CDKL2: variants seen among roughly 807,000 people sequenced by gnomAD.
CDKL2 encodes the protein cyclin-dependent kinase-like 2.
In CDKL2, 64 loss-of-function variants were observed where a neutral mutation model predicts 63.9. The observed-to-expected ratio is 1.00, with a 90% CI of 0.82 to 1.23. The LOEUF (loss-of-function observed/expected upper bound fraction) is 1.23. Among genes scored for constraint, CDKL2 ranks in the 50% most tolerant of loss-of-function variants. CDKL2 has a pLI of 0.00. For synonymous variants in CDKL2, 211 were observed against 229.2 expected, an observed-to-expected ratio of 0.92 and a Z score of 0.72; for missense variants, 656 against 668.0, an observed-to-expected ratio of 0.98 and a Z score of 0.20.
chr4:75,614,056 C>T (rs377563910), intron 3 of CDKL2, among the ~76,000 whole-genome samples, 199 bp downstream of exon 3: 74 of 151,868 alleles, frequency 4.9e-4, no homozygotes, highest in African/African-American at 1.6e-3. Context: ...GACTCTGTCT[C>T]GGAAAAAAAC....
Position 75,603,806 on chromosome 4 carries a change from A to C in CDKL2, c.795+11T>G, listed in dbSNP as rs1170340502. ...TCCCTGTCATAAAGTGTAAACAATA[A>C]GTATGATTACCTTTGCTAAATCTAT... On this transcript the variant is annotated intron_variant, in intron 6 of 13. Coordinates refer to ENST00000307465, the MANE Select transcript of CDKL2 (RefSeq NM_001330724.2). 2.5e-6 allele frequency: 4 copies of C among 1,585,834 alleles called. No individual in the cohort carries two copies. The highest frequency in any genetic ancestry group is 3.4e-6 in the Non-Finnish European group (4 of 1,170,688).
chr4:75,618,440 G>C (rs1730023786), intron 2 of CDKL2, among the ~76,000 whole-genome samples: 1 of 151,524 alleles, frequency 6.6e-6, no homozygotes, highest in African/African-American at 2.4e-5. Context: ...TTTTAGTAGA[G>C]ACGGGGTTTC....
rs1227891519 is a variant in CDKL2 at position 75,600,351 on chromosome 4, G to T, written c.814C>A (p.Pro272Thr). 1 of 1,611,148 alleles carries T rather than the reference G, an allele frequency of 6.2e-7. No individual in the cohort carries two copies. The highest frequency in any genetic ancestry group is 8.5e-7 in the Non-Finnish European group (1 of 1,177,940). ...TCAGCACAGAAGGGTCTTTTGTCGG[G>T]GTCAATATGTAAGCATTTCTGAAAA... is the stretch of plus-strand genomic sequence containing the variant. The part of the protein sequence containing the change: ...DLAKKCLHID[P>T]DKRPFCAELL... The change falls in exon 7 of 14, where the codon CCC becomes ACC. Residue 272 changes from proline to threonine, a missense_variant. Physicochemically the swap from Pro to Thr is conservative, Grantham distance 38 (BLOSUM62 -1). Transcript: ENST00000307465.
rs535618243 is a variant in CDKL2, at chr4:75,615,356, G to C, written c.169-907C>G. 5.3e-5 allele frequency among the ~76,000 whole-genome samples: 8 copies of C among 152,284 alleles called. No homozygotes were observed. In the East Asian group the frequency reaches 1.5e-3, roughly 29 times the overall value. On this transcript the variant is annotated intron_variant, in intron 2 of 13. Coordinates refer to ENST00000307465, the MANE Select transcript of CDKL2 (RefSeq NM_001330724.2). The stretch of plus-strand genomic sequence containing the variant: ...ACCAATCAAGGATCTATTCAAAGAT[G>C]TAAGAAATGGGGAAGAAAGGAGAAA...
At chr4:75,595,105 G>A (rs1223069934) in intron 10 of CDKL2, among the ~76,000 whole-genome samples, 7 of 152,050 alleles carry the variant, frequency 4.6e-5, no homozygotes, top group Non-Finnish European at 8.8e-5. Flanking sequence ...AGATCATGAA[G>A]TCCTTGAAAA....
rs1440237869 is a variant in CDKL2, at chr4:75,630,525, A to T, written c.-513T>A. 1 of 152,262 alleles carries T rather than the reference A, an allele frequency of 6.6e-6. No individual in the cohort carries two copies. 9.4% of individuals were successfully genotyped at this position (152,262 alleles called of 1,614,324 possible). On this transcript the variant is annotated 5_prime_UTR_variant, in exon 1 of 14. In the 5' UTR this introduces an upstream ATG that the reference lacks. Transcript: ENST00000307465. ...CGAAGGCGTTGGCCGCGGAGCTGCA[A>T]GGGGGGGCGGTTTCTCACCCGCCCC...
At chr4:75,593,454 A>C (rs1182571306) in intron 10 of CDKL2, among the ~76,000 whole-genome samples, 1 of 152,112 alleles carries the variant, frequency 6.6e-6, no homozygotes, top group African/African-American at 2.4e-5. Flanking sequence ...TTCGTTAAGG[A>C]AAGACTCCAC....
chr4:75,615,302 A>G (rs1729883402), intron 2 of CDKL2, among the ~76,000 whole-genome samples: 1 of 152,216 alleles, frequency 6.6e-6, no homozygotes, highest in South Asian at 2.1e-4. Flanking sequence ...AAAGACTCAG[A>G]CTTTATTATA....
intron 13 of CDKL2, among the ~76,000 whole-genome samples, chr4:75,580,936 G>A (rs1477967382): frequency 3.3e-5 from 5 of 151,830 alleles, no homozygotes; most frequent in South Asian, 4.2e-4. Context: ...TCCTGACCTC[G>A]TGATCCGCCC....
intron 13 of CDKL2, among the ~76,000 whole-genome samples, chr4:75,580,479 A>G (rs1411651105): frequency 1.3e-5 from 2 of 151,566 alleles, no homozygotes; most frequent in Non-Finnish European, 2.9e-5. Flanking sequence ...CACCCTGGGC[A>G]ACATGGTGAA....
intron 12 of CDKL2, among the ~76,000 whole-genome samples, chr4:75,588,953 C>T (rs531118688): frequency 6.6e-6 from 1 of 151,886 alleles, no homozygotes; most frequent in South Asian, 2.1e-4. Flanking sequence ...GAAGGGGATC[C>T]CACTAGAAAA....
At position 75,630,400 on chromosome 4, in the gene CDKL2, G is replaced by T. The variant is rs1214386148; in HGVS notation, c.-388C>A. The stretch of plus-strand genomic sequence containing the variant: ...GCACCAACACCTGTGAAGGCCAAGG[G>T]CTAGAGAGCAATTAGCTGGGTGAGA... On this transcript the variant is annotated 5_prime_UTR_variant, in exon 1 of 14. Coordinates refer to ENST00000307465, the MANE Select transcript of CDKL2 (RefSeq NM_001330724.2). 1 of 152,802 alleles carries T rather than the reference G, an allele frequency of 6.5e-6. No individual in the cohort carries two copies. The highest frequency in any genetic ancestry group is 1.5e-5 in the Non-Finnish European group (1 of 68,260). 9.5% of individuals were successfully genotyped at this position (152,802 alleles called of 1,614,324 possible).
chr4:75,618,684 C>CA (rs1466765476), intron 2 of CDKL2, among the ~76,000 whole-genome samples: 6 of 152,146 alleles, frequency 3.9e-5, no homozygotes, highest in Non-Finnish European at 7.3e-5. Context: ...CCTCGGGACT[C>CA]AAAGCTAATT....
At position 75,598,115 on chromosome 4, in the gene CDKL2, C is replaced by T; in HGVS notation, c.982G>A (p.Asp328Asn). ...GTTTTTCTTTCTTCAACTAAGGAAT[C>T]ATCTTTTTCTTTTTCCTTCTTTCTG... The part of the protein sequence containing the change: ...QNRKKEKEKD[D>N]SLVEERKTLV... Residue 328 changes from aspartate (D) to asparagine (N), a missense_variant, in exon 8 of 14, where the codon GAT becomes AAT. Transcript: ENST00000307465. 6.4e-7 allele frequency: 1 copy of T among 1,554,320 alleles called. No individual in the cohort carries two copies. Among genetic ancestry groups the T allele is most frequent in the East Asian group, 2.3e-5 (1 of 43,368 alleles).
rs1273514692 is a variant in CDKL2, at chr4:75,614,420, G to C, written c.198C>G (p.Leu66=). 6.4e-7 allele frequency: 1 copy of C among 1,566,626 alleles called. No homozygotes were observed. Among genetic ancestry groups the C allele is most frequent in the African/African-American group, 1.4e-5 (1 of 73,394 alleles). ...GTTTTTTTTTCTTACACACTTCCAA[G>C]AGATTCACCAAGTTTTCATGCCTAA... The part of the protein sequence containing the change: ...KQLRHENLVN[L]LEVCKKKKRW... Residue 66 remains leucine, a synonymous_variant, in exon 3 of 14, where the codon CTC becomes CTG. Coordinates refer to ENST00000307465, the MANE Select transcript of CDKL2 (RefSeq NM_001330724.2).
chr4:75,600,758 C>T (rs1729155068), intron 6 of CDKL2, among the ~76,000 whole-genome samples: 1 of 152,178 alleles, frequency 6.6e-6, no homozygotes, highest in African/African-American at 2.4e-5. Context: ...CACACTTGCC[C>T]GCCAATGAAT....
At chr4:75,594,650 G>C (rs182036591) in intron 10 of CDKL2, among the ~76,000 whole-genome samples, 1 of 152,012 alleles carries the variant, frequency 6.6e-6, no homozygotes. Flanking sequence ...ATAAAGGGAG[G>C]CATAATGAGT....
At chr4:75,600,243 G>T in intron 7 of CDKL2, 38 bp downstream of exon 7, 1 of 1,334,592 alleles carries the variant, frequency 7.5e-7, no homozygotes, top group Non-Finnish European at 1.1e-6. Flanking sequence ...TTTAACCCTA[G>T]GTTGGTATGG....
At chr4:75,614,175 A>G in intron 3 of CDKL2, 80 bp downstream of exon 3, 1 of 897,032 alleles carries the variant, frequency 1.1e-6, no homozygotes, top group Non-Finnish European at 1.7e-6. Flanking sequence ...CTTATTTTCA[A>G]ATGCATAAAT....
Sources: allele counts gnomAD v4.1 joint callset (sites outside exome capture counted in the v4.1 genomes callset), GRCh38; gene constraint gnomAD v4.1.1; transcripts MANE v1.5; gene names NCBI Gene and HGNC (gene_info 2026-07-23, HGNC 2026-07-21).